The following RTL4 variants were observed in gnomAD, a reference collection of about 807,000 sequenced individuals.
The protein encoded by RTL4 is retrotransposon Gag-like protein 4.
Under a neutral mutation model 5.3 loss-of-function variants are expected in RTL4, and 4 were observed. The observed-to-expected ratio is 0.75, with a 90% confidence interval of 0.37 to 1.72. The LOEUF is 1.72. RTL4 is among the 40% of genes most tolerant of loss of function. RTL4 has a pLI of 0.04. For synonymous variants in RTL4, 98 were observed against 87.3 expected (o/e 1.12, Z -0.68); for missense variants, 260 against 227.1 (o/e 1.14, Z -0.93).
chrX:112,324,067 C>T, the RTL4 span, among the ~76,000 whole-genome samples: 1 of 112,269 alleles, frequency 8.9e-6, no homozygotes, highest in Non-Finnish European at 1.9e-5. Context: ...ACAAAGAAAT[C>T]TTGTGTACAT....
chrX:112,323,013 T>A, the RTL4 span, among the ~76,000 whole-genome samples: 3 of 112,211 alleles, frequency 2.7e-5, no homozygotes, highest in Non-Finnish European at 3.8e-5. Flanking sequence ...GCAATAAACA[T>A]GCTTGTACAC....
At chrX:112,142,806 G>A in the RTL4 span, among the ~76,000 whole-genome samples, 1 of 111,624 alleles carries the variant, frequency 9.0e-6, no homozygotes, top group Non-Finnish European at 1.9e-5. Context: ...ATACAGCCAG[G>A]CACATCCTGA....
At chrX:112,331,239 A>G in the RTL4 span, among the ~76,000 whole-genome samples, 4 of 107,567 alleles carry the variant, frequency 3.7e-5, no homozygotes, top group Non-Finnish European at 7.7e-5. Context: ...AATGGGAGAA[A>G]ATTTTCGCAA....
the RTL4 span, among the ~76,000 whole-genome samples, chrX:112,304,442 G>A: frequency 6.3e-5 from 7 of 110,519 alleles, no homozygotes; most frequent in Non-Finnish European, 1.1e-4. Flanking sequence ...ATGAATTGCA[G>A]TTTTATTACC....
chrX:112,290,284 G>A, the RTL4 span, among the ~76,000 whole-genome samples: 1 of 112,054 alleles, frequency 8.9e-6, no homozygotes, highest in Non-Finnish European at 1.9e-5. Context: ...CCATGAGAAG[G>A]TTTCTTCGTC....
chrX:112,125,672 A>T, the RTL4 span, among the ~76,000 whole-genome samples: 1 of 111,806 alleles, frequency 8.9e-6, no homozygotes, highest in Non-Finnish European at 1.9e-5. Flanking sequence ...ATTCCTCAGT[A>T]ATTGAACATT....
the RTL4 span, among the ~76,000 whole-genome samples, chrX:112,363,914 T>G: frequency 7.3e-4 from 81 of 110,892 alleles, no homozygotes; most frequent in Admixed American, 7.1e-3. Context: ...GAGGGATGGA[T>G]GAGGAAAGAA....
chrX:112,135,206 C>T, the RTL4 span, among the ~76,000 whole-genome samples: 1 of 111,655 alleles, frequency 9.0e-6, no homozygotes, highest in Non-Finnish European at 1.9e-5. Context: ...GCATCCTTAC[C>T]AACACTTAGT....
chrX:112,369,936 C>T, the RTL4 span, among the ~76,000 whole-genome samples: 1 of 111,818 alleles, frequency 8.9e-6, no homozygotes, highest in Non-Finnish European at 1.9e-5. Flanking sequence ...TCAGAGACCT[C>T]CAAGGTTTTT....
the RTL4 span, among the ~76,000 whole-genome samples, chrX:112,314,584 T>C: frequency 2.0e-5 from 2 of 101,288 alleles, 1 homozygote; most frequent in South Asian, 7.9e-4. Flanking sequence ...GGAAATTTTA[T>C]CAGCTTTTGC....
the RTL4 span, among the ~76,000 whole-genome samples, chrX:112,270,993 A>T: frequency 1.9e-5 from 2 of 105,165 alleles, no homozygotes; most frequent in East Asian, 6.2e-4. Context: ...TCAAGAATCA[A>T]TGAGGTCCCC....
chrX:112,221,147 A>G, the RTL4 span, among the ~76,000 whole-genome samples: 7 of 111,887 alleles, frequency 6.3e-5, no homozygotes, highest in Admixed American at 6.7e-4. Context: ...ACTTACAATT[A>G]TGGCGATAGG....
At chrX:112,209,885 A>G in the RTL4 span, among the ~76,000 whole-genome samples, 1 of 111,788 alleles carries the variant, frequency 8.9e-6, no homozygotes, top group Admixed American at 9.5e-5. Context: ...AGTTATCTGC[A>G]GAAGATGGCA....
At chrX:112,261,219 G>T in the RTL4 span, among the ~76,000 whole-genome samples, 1 of 111,351 alleles carries the variant, frequency 9.0e-6, no homozygotes, top group Admixed American at 9.5e-5. Context: ...AAGAAATAAA[G>T]GGTATTCAAT....
At chrX:112,143,360 A>G in the RTL4 span, among the ~76,000 whole-genome samples, 4 of 111,188 alleles carry the variant, frequency 3.6e-5, no homozygotes, top group Non-Finnish European at 7.5e-5. Context: ...TAAGAATAGA[A>G]AATATAAAGC....
chrX:112,393,650 C>T, the RTL4 span, among the ~76,000 whole-genome samples: 4 of 111,985 alleles, frequency 3.6e-5, no homozygotes, highest in East Asian at 8.5e-4. Context: ...TTGGCTTGGA[C>T]TCCCCAAAGC....
At chrX:112,259,614 T>C in the RTL4 span, among the ~76,000 whole-genome samples, 2 of 110,966 alleles carry the variant, frequency 1.8e-5, no homozygotes, top group African/African-American at 3.3e-5. Flanking sequence ...CATACAGTGC[T>C]ACCCAGTTTT....
chrX:112,230,460 TG>T, the RTL4 span, among the ~76,000 whole-genome samples: 2 of 112,453 alleles, frequency 1.8e-5, no homozygotes, highest in Non-Finnish European at 3.8e-5. Flanking sequence ...GGGAATTCCC[TG>T]ACTCTTTGCG....
At chrX:112,299,525 T>G in the RTL4 span, among the ~76,000 whole-genome samples, 686 of 112,038 alleles carry the variant, frequency 6.1e-3, 4 homozygotes, top group Non-Finnish European at 9.8e-3. Context: ...AAATGGCACC[T>G]GGGCCCTGGA....
Sources: allele counts gnomAD v4.1 joint callset (sites outside exome capture counted in the v4.1 genomes callset), GRCh38; gene constraint gnomAD v4.1.1; transcripts MANE v1.5; gene names NCBI Gene and HGNC (gene_info 2026-07-23, HGNC 2026-07-21).